UROS: variants seen among roughly 807,000 people sequenced by gnomAD.
UROS encodes uroporphyrinogen III synthase, also known as uroporphyrinogen-III synthase.
Under a neutral mutation model 33.0 loss-of-function variants are expected in UROS, and 18 were observed. That is an observed-to-expected ratio of 0.55 (90% CI 0.38 to 0.81). UROS has a LOEUF of 0.81. UROS is among the 30% of genes least tolerant of loss of function. The pLI is 0.00. For missense variants in UROS, 293 were observed against 314.9 expected, an observed-to-expected ratio of 0.93 and a Z score of 0.53; for synonymous variants, 114 against 121.1, an observed-to-expected ratio of 0.94 and a Z score of 0.38.
rs146684864 is a variant in UROS at position 125,817,576 on chromosome 10, C to T, written c.-26-1051G>A. Among the ~76,000 whole-genome samples the T allele has an allele frequency of 6.5e-3, 995 of 152,038 alleles. 4 individuals carry two copies. Among genetic ancestry groups the T allele is most frequent in the Non-Finnish European group, 9.9e-3 (672 of 67,980 alleles). On this transcript the variant is annotated intron_variant, in intron 1 of 9. Transcript: ENST00000368797. ...CCATGTTAAATGGGAATAACCTCTGCCCTACCAAGCCTTAGGGTTGCTGAG... is the reference window on the plus strand; with the variant it reads ...CCATGTTAAATGGGAATAACCTCTGTCCTACCAAGCCTTAGGGTTGCTGAG...
Position 125,823,230 on chromosome 10 carries a change from G to C in UROS, c.-228C>G. The C allele has an allele frequency of 4.2e-6, 1 of 237,534 alleles. No homozygotes were observed. 14.7% of individuals were successfully genotyped at this position (237,534 alleles called of 1,614,324 possible). On this transcript the variant is annotated 5_prime_UTR_variant, in exon 1 of 10. Transcript: ENST00000368797. ...ACCTCAGACTGGGGTCGCGTGGGTG[G>C]CTGCGCGCAGCTAGGCGCTCGCGCA... is the stretch of plus-strand genomic sequence containing the variant.
intron 6 of UROS, chr10:125,807,208 G>A: frequency 1.0e-5 from 6 of 597,802 alleles, no homozygotes; most frequent in Non-Finnish European, 1.8e-5. Context: ...TTTGGTACAG[G>A]GGGTAGAAGG....
intron 7 of UROS, chr10:125,796,712 T>C (rs976710837): frequency 3.4e-6 from 3 of 877,456 alleles, no homozygotes; most frequent in African/African-American, 1.8e-5. Context: ...CATTCCTCCC[T>C]GTGCCATTCA....
In UROS at chr10:125,788,975, C is replaced by A. The variant is rs780837512; in HGVS notation, c.691G>T (p.Ala231Ser). 1 of 1,611,978 alleles carries A rather than the reference C, an allele frequency of 6.2e-7. No homozygotes were observed. The change falls in exon 10 of 10, where the codon GCG becomes TCG. Residue 231 changes from alanine to serine, a missense_variant. Physicochemically the swap from Ala to Ser is moderately conservative, Grantham distance 99. Transcript: ENST00000368797. Reference sequence around the variant, plus strand: ...ACAGGAAGGCCCTGGGCGGCCAGCGCGCGAGCCGTAGTGGGGCCGATGGCT... The same window carrying A: ...ACAGGAAGGCCCTGGGCGGCCAGCGAGCGAGCCGTAGTGGGGCCGATGGCT... ...FAAIGPTTAR[A>S]LAAQGLPVSC...
chr10:125,805,671 A>T (rs1295627348), intron 6 of UROS, among the ~76,000 whole-genome samples: 1 of 152,222 alleles, frequency 6.6e-6, no homozygotes, highest in Admixed American at 6.5e-5. Flanking sequence ...ATTTACATTT[A>T]AATAGCCGTA....
At chr10:125,822,723 G>A (rs1180689413) in intron 1 of UROS, among the ~76,000 whole-genome samples, 1 of 152,202 alleles carries the variant, frequency 6.6e-6, no homozygotes, top group Non-Finnish European at 1.5e-5. Context: ...CTCCCTAAGT[G>A]CTGGGATTAC....
intron 6 of UROS, 50 bp downstream of exon 6, chr10:125,807,363 G>A (rs1852424116): frequency 2.0e-6 from 3 of 1,513,594 alleles, no homozygotes; most frequent in African/African-American, 2.8e-5. Flanking sequence ...GTGGTTGTGA[G>A]GTCAACAAAA....
intron 9 of UROS, chr10:125,789,332 C>T (rs911929302): frequency 2.4e-6 from 3 of 1,271,654 alleles, no homozygotes; most frequent in Non-Finnish European, 3.0e-6. Flanking sequence ...TAGCTGCAGA[C>T]AGTTCTTCTT....
intron 9 of UROS, among the ~76,000 whole-genome samples, chr10:125,790,289 A>G (rs1053267877): frequency 6.6e-6 from 1 of 152,232 alleles, no homozygotes; most frequent in Admixed American, 6.5e-5. Context: ...AAACAGATCA[A>G]ATACCTAAGT....
chr10:125,786,679 T>C (rs1047206197), downstream of UROS, among the ~76,000 whole-genome samples: 1 of 152,208 alleles, frequency 6.6e-6, no homozygotes, highest in Non-Finnish European at 1.5e-5. Context: ...TGCCAGCTTC[T>C]GTTCACTCCC....
At chr10:125,801,153 G>A (rs1289670448) in intron 6 of UROS, among the ~76,000 whole-genome samples, 1 of 152,188 alleles carries the variant, frequency 6.6e-6, no homozygotes, top group Non-Finnish European at 1.5e-5. Context: ...CTGATAATAA[G>A]GATGAGGAGG....
intron 1 of UROS, among the ~76,000 whole-genome samples, chr10:125,816,985 A>T (rs765631943): frequency 2.6e-5 from 4 of 152,372 alleles, no homozygotes; most frequent in South Asian, 4.1e-4. Context: ...CTAAACGTCA[A>T]GTATCATAAG....
intron 4 of UROS, among the ~76,000 whole-genome samples, chr10:125,814,810 G>A (rs1853154229): frequency 6.6e-6 from 1 of 152,140 alleles, no homozygotes; most frequent in Non-Finnish European, 1.5e-5. Flanking sequence ...CAGTCCCTAG[G>A]AGGTGAACAA....
rs59077268 is a variant in UROS at position 125,795,345 on chromosome 10, T to C, written c.562-367A>G. On this transcript the variant is annotated intron_variant, in intron 8 of 9. Transcript: ENST00000368797. ...TGAGGCAGTGCTGGCTCCCTGTCAATGCTCCCTCCCTCTGGAAGCAGAGCA... is the reference window on the plus strand; with the variant it reads ...TGAGGCAGTGCTGGCTCCCTGTCAACGCTCCCTCCCTCTGGAAGCAGAGCA... 2.2e-3 allele frequency: 693 copies of C among 310,662 alleles called. 4 individuals carry two copies. The highest frequency in any genetic ancestry group is 0.013 in the African/African-American group (616 of 46,510). The allele number at this position is 310,662 out of a possible 1,614,324, so 19.2% of individuals were successfully genotyped here.
chr10:125,795,257 G>A, intron 8 of UROS: 1 of 483,362 alleles, frequency 2.1e-6, no homozygotes, highest in Non-Finnish European at 3.8e-6. Context: ...CATGTGCCCA[G>A]CAGCCTAGAC....
chr10:125,800,230 C>T (rs998095359), intron 6 of UROS, among the ~76,000 whole-genome samples: 1 of 152,232 alleles, frequency 6.6e-6, no homozygotes. Flanking sequence ...CCCAGAACAG[C>T]CTGAAGTCTG....
chr10:125,816,685 G>A, intron 1 of UROS, 160 bp from the exon 2 acceptor site: 1 of 683,166 alleles, frequency 1.5e-6, no homozygotes, highest in Non-Finnish European at 2.6e-6. Context: ...TGTTCTTTCT[G>A]AAGACCCCTG....
At chr10:125,795,816 C>A (rs1042523910) in intron 8 of UROS, among the ~76,000 whole-genome samples, 1 of 152,246 alleles carries the variant, frequency 6.6e-6, no homozygotes, top group Non-Finnish European at 1.5e-5. Flanking sequence ...CCACATTAAT[C>A]TCTCCAAAGA....
At chr10:125,799,106 A>C (rs1472765751) in intron 6 of UROS, among the ~76,000 whole-genome samples, 1 of 152,152 alleles carries the variant, frequency 6.6e-6, no homozygotes, top group Non-Finnish European at 1.5e-5. Flanking sequence ...ACCCCTTTCC[A>C]TCCAGTACCA....
Sources: gnomAD v4.1 joint callset for allele counts (sites outside exome capture counted in the v4.1 genomes callset) on GRCh38, gnomAD v4.1.1 for gene constraint, MANE v1.5 for transcripts, NCBI Gene and HGNC (gene_info 2026-07-23, HGNC 2026-07-21) for gene names.